TRMT9B: variants seen among roughly 807,000 people sequenced by gnomAD.
TRMT9B encodes the protein probable tRNA methyltransferase 9B.
A neutral mutation model predicts 11.5 loss-of-function variants in TRMT9B; 16 were observed. The observed-to-expected ratio is 1.39, with a 90% CI of 0.94 to 2.11. The LOEUF (loss-of-function observed/expected upper bound fraction) is 2.11, where lower values mean the gene tolerates loss of function less well. TRMT9B is among the 30% of genes most tolerant of loss of function. The probability of loss-of-function intolerance (pLI) is 0.00; values close to 1 mark genes in which losing one functional copy is unlikely to be tolerated. For missense variants in TRMT9B, 941 were observed against 553.8 expected, an observed-to-expected ratio of 1.70 and a Z score of -7.02; for synonymous variants, 274 against 192.4, an observed-to-expected ratio of 1.42 and a Z score of -3.51.
chr8:13,020,354 G>C (rs1169547782), intron 4 of TRMT9B, among the ~76,000 whole-genome samples: 1 of 152,130 alleles, frequency 6.6e-6, no homozygotes, highest in Admixed American at 6.5e-5. Context: ...CTTATGACTT[G>C]ATAAAGGCAG....
chr8:12,967,940 G>A (rs1369978557), intron 1 of TRMT9B, among the ~76,000 whole-genome samples: 1 of 152,188 alleles, frequency 6.6e-6, no homozygotes, highest in Admixed American at 6.5e-5. Context: ...CTGTTGCCCA[G>A]GCTGGAGTGC....
intron 1 of TRMT9B, chr8:12,952,203 C>A (rs1303086312): frequency 2.2e-6 from 1 of 451,768 alleles, no homozygotes; most frequent in African/African-American, 2.0e-5. Context: ...AAAGCGCCGG[C>A]GACCGGAGCA....
At chr8:12,946,935 G>A (rs74410306) in intron 1 of TRMT9B, among the ~76,000 whole-genome samples, 5,028 of 152,270 alleles carry the variant, frequency 0.033, 265 homozygotes, top group African/African-American at 0.12. Context: ...CAGTTCCTTG[G>A]ATAAAGGCAG....
chr8:12,999,326 A>G (rs1004667291), intron 2 of TRMT9B, among the ~76,000 whole-genome samples: 1 of 150,960 alleles, frequency 6.6e-6, no homozygotes, highest in South Asian at 2.1e-4. Context: ...GAAAAGAAAA[A>G]AAAAAAGAAA....
chr8:12,973,566 A>T (rs1190607177), intron 1 of TRMT9B, among the ~76,000 whole-genome samples: 1 of 152,126 alleles, frequency 6.6e-6, no homozygotes, highest in Non-Finnish European at 1.5e-5. Context: ...CTTGGACTAG[A>T]TGTGGGCCAC....
chr8:13,017,068 G>A (rs1376643111), intron 4 of TRMT9B, among the ~76,000 whole-genome samples: 1 of 116,784 alleles, frequency 8.6e-6, no homozygotes, highest in Non-Finnish European at 2.0e-5. Flanking sequence ...AGGTTGCAGT[G>A]AACCAGGTCA....
intron 1 of TRMT9B, among the ~76,000 whole-genome samples, chr8:12,966,676 G>C (rs1367252089): frequency 6.6e-6 from 1 of 152,106 alleles, no homozygotes; most frequent in East Asian, 1.9e-4. Context: ...ATTAATACAG[G>C]AGATGGCAAG....
chr8:12,984,525 C>A (rs1805939251), intron 1 of TRMT9B, among the ~76,000 whole-genome samples: 1 of 152,164 alleles, frequency 6.6e-6, no homozygotes, highest in South Asian at 2.1e-4. Context: ...GTCCTCCATC[C>A]TGCCTAAACC....
At chr8:12,997,827 G>A (rs1026358988) in intron 2 of TRMT9B, among the ~76,000 whole-genome samples, 6 of 152,050 alleles carry the variant, frequency 3.9e-5, no homozygotes, top group South Asian at 4.1e-4. Flanking sequence ...GCTGTCAGGC[G>A]GTTTTCCAAA....
intron 1 of TRMT9B, among the ~76,000 whole-genome samples, chr8:12,965,498 G>A (rs1802689476): frequency 1.3e-5 from 2 of 152,178 alleles, no homozygotes. Context: ...AAGGTGGCCT[G>A]TGAGCTGTCA....
intron 2 of TRMT9B, among the ~76,000 whole-genome samples, chr8:13,004,827 G>T (rs1354389680): frequency 6.6e-6 from 1 of 152,072 alleles, no homozygotes; most frequent in Non-Finnish European, 1.5e-5. Context: ...TTAGGTACCA[G>T]CTCGGCCACA....
chr8:12,969,383 C>A (rs368634603), intron 1 of TRMT9B, among the ~76,000 whole-genome samples: 13 of 152,056 alleles, frequency 8.5e-5, no homozygotes, highest in African/African-American at 2.7e-4. Context: ...ACAATTGCAC[C>A]CAGTCACTCC....
At chr8:12,948,453 G>A (rs1263330299) in intron 1 of TRMT9B, among the ~76,000 whole-genome samples, 1 of 147,330 alleles carries the variant, frequency 6.8e-6, no homozygotes, top group African/African-American at 2.5e-5. Context: ...ATATATGTAT[G>A]TATATAACAC....
In TRMT9B at chr8:12,996,445, T is replaced by C. The variant is rs149297638; in HGVS notation, c.-2+5414T>C. ...CTTATTTCTTCAGTTAGATTTCTTC[T>C]GAGGCAAAACTCTCTCAGCACTTTC... On this transcript the variant is annotated intron_variant, in intron 2 of 4. Transcript: ENST00000524591. 1.2e-3 allele frequency among the ~76,000 whole-genome samples: 185 copies of C among 152,336 alleles called. 1 individual carries two copies. Among genetic ancestry groups the C allele is most frequent in the African/African-American group, 4.3e-3 (180 of 41,580 alleles).
At chr8:13,016,340 C>G (rs11776739) in intron 4 of TRMT9B, among the ~76,000 whole-genome samples, 59,836 of 142,878 alleles carry the variant, frequency 0.42, 12,906 homozygotes, top group East Asian at 0.61. Context: ...TGAAATTTCT[C>G]TTATATGACA....
intron 2 of TRMT9B, among the ~76,000 whole-genome samples, chr8:12,994,630 C>G (rs886096643): frequency 1.3e-5 from 2 of 152,182 alleles, no homozygotes; most frequent in Non-Finnish European, 2.9e-5. Context: ...TTTGGGGAAC[C>G]CTTGAATTGA....
Position 13,012,675 on chromosome 8 carries a change from C to T in TRMT9B, c.155-9C>T, listed in dbSNP as rs190182385. On this transcript the variant is annotated splice_polypyrimidine_tract_variant and intron_variant, in intron 3 of 4. Transcript: ENST00000524591. Reference sequence around the variant, plus strand: ...AGGATAGCATGTAACGCAGGTTTTTCTCTTATAGGTTGTGGGACTGGAAAA... The same window carrying T: ...AGGATAGCATGTAACGCAGGTTTTTTTCTTATAGGTTGTGGGACTGGAAAA... The T allele has an allele frequency of 5.0e-6, 8 of 1,603,108 alleles. No homozygotes were observed. Among genetic ancestry groups the T allele is most frequent in the Non-Finnish European group, 6.8e-6 (8 of 1,174,094 alleles).
intron 3 of TRMT9B, chr8:13,010,231 G>T (rs1811343498): frequency 1.1e-6 from 1 of 871,590 alleles, no homozygotes; most frequent in South Asian, 5.3e-5. Context: ...TTGCCAATTT[G>T]TATCTTTTGA....
chr8:13,003,368 C>T (rs924564812), intron 2 of TRMT9B, among the ~76,000 whole-genome samples: 2 of 152,152 alleles, frequency 1.3e-5, no homozygotes, highest in Admixed American at 6.5e-5. Context: ...AAGCCCAAAA[C>T]GGGACCTGCT....
Sources: allele counts gnomAD v4.1 joint callset (sites outside exome capture counted in the v4.1 genomes callset), GRCh38; gene constraint gnomAD v4.1.1; transcripts MANE v1.5; gene names NCBI Gene and HGNC (gene_info 2026-07-23, HGNC 2026-07-21).